Variants in VPS45 observed in about 807,000 individuals in gnomAD.
The protein encoded by VPS45 is vacuolar protein sorting 45 homolog, also known as vacuolar protein sorting-associated protein 45.
Under a neutral mutation model 75.9 loss-of-function variants are expected in VPS45, and 35 were observed. The ratio of observed to expected loss-of-function variants is 0.46; its 90% CI spans 0.35 to 0.61. The LOEUF is 0.61. Among genes scored for constraint, VPS45 ranks in the 20% least tolerant of loss-of-function variants. The pLI is 0.00. For synonymous variants in VPS45, 220 were observed against 238.2 expected (o/e 0.92, Z 0.70); for missense variants, 559 against 685.9 (o/e 0.81, Z 2.07).
chr1:150,135,740 C>G (rs1325056566), intron 14 of VPS45, among the ~76,000 whole-genome samples: 1 of 151,876 alleles, frequency 6.6e-6, no homozygotes, highest in Non-Finnish European at 1.5e-5. Context: ...CTCCTAGGTT[C>G]AAGCAATTCT....
chr1:150,086,168 A>T lies in VPS45; in HGVS notation c.1104+3285A>T, dbSNP rs978126255. Among the ~76,000 whole-genome samples the T allele has an allele frequency of 3.3e-5, 5 of 152,146 alleles. No individual in the cohort carries two copies. The East Asian group carries it at 7.7e-4, about 23-fold the overall frequency. The stretch of plus-strand genomic sequence containing the variant: ...GGAAGAGCTCTATTTGAAGCAGTAT[A>T]GAGTAGTGGCTAAGAGCTTGGGCCT... On this transcript the variant is annotated intron_variant, in intron 10 of 14. Transcript: ENST00000644510.
intron 14 of VPS45, among the ~76,000 whole-genome samples, chr1:150,137,097 A>G (rs1291700144): frequency 6.6e-6 from 1 of 152,046 alleles, no homozygotes; most frequent in Non-Finnish European, 1.5e-5. Context: ...ACGGGGATTC[A>G]CCATGTTTCC....
chr1:150,092,832 C>A (rs1461328282), intron 12 of VPS45, among the ~76,000 whole-genome samples: 2 of 106,134 alleles, frequency 1.9e-5, no homozygotes, highest in Admixed American at 2.5e-4. Context: ...AATCTGCTAG[C>A]CTTTCTTTTT....
chr1:150,069,622 A>AT (rs1421096004), intron 2 of VPS45, among the ~76,000 whole-genome samples: 1,192 of 3,210 alleles, frequency 0.37, 10 homozygotes, highest in African/African-American at 0.47. Flanking sequence ...ACGCCCGGCT[A>AT]ATTTTTTGTA....
chr1:150,122,758 G>A (rs1658302527), intron 14 of VPS45, among the ~76,000 whole-genome samples: 1 of 151,918 alleles, frequency 6.6e-6, no homozygotes, highest in Non-Finnish European at 1.5e-5. Context: ...CAGCACTTTG[G>A]GAGGCTGAGG....
intron 14 of VPS45, among the ~76,000 whole-genome samples, chr1:150,113,157 A>T (rs1553807545): frequency 6.6e-6 from 1 of 152,076 alleles, no homozygotes; most frequent in Non-Finnish European, 1.5e-5. Flanking sequence ...GTTTCTTATT[A>T]AGGCTTGGCC....
At chr1:150,087,890 A>G (rs923938576) in intron 10 of VPS45, among the ~76,000 whole-genome samples, 3 of 152,200 alleles carry the variant, frequency 2.0e-5, no homozygotes, top group African/African-American at 7.2e-5. Context: ...AAGCCAGGCA[A>G]TCTAAATACC....
chr1:150,104,187 C>G (rs1187050153), intron 13 of VPS45, among the ~76,000 whole-genome samples: 1 of 152,174 alleles, frequency 6.6e-6, no homozygotes, highest in African/African-American at 2.4e-5. Context: ...TTCTTCCCCT[C>G]TTTTGGAGTC....
intron 14 of VPS45, among the ~76,000 whole-genome samples, chr1:150,125,688 T>A (rs1658479415): frequency 6.1e-3 from 1 of 164 alleles, no homozygotes; most frequent in Non-Finnish European, 0.018. Flanking sequence ...TTATTTTTTT[T>A]ATATTTTTTA....
intron 14 of VPS45, among the ~76,000 whole-genome samples, chr1:150,128,981 T>C (rs906852414): frequency 2.2e-4 from 23 of 106,422 alleles, no homozygotes; most frequent in African/African-American, 1.4e-3. Flanking sequence ...GATCTCGTGA[T>C]CTGAGTGCTG....
chr1:150,073,474 G>T (rs1655191161), intron 3 of VPS45, among the ~76,000 whole-genome samples: 1 of 152,038 alleles, frequency 6.6e-6, no homozygotes, highest in African/African-American at 2.4e-5. Flanking sequence ...AGCTTGTCCA[G>T]TGGGTTTTCA....
chr1:150,113,215 G>A (rs1471104395), intron 14 of VPS45, among the ~76,000 whole-genome samples: 1 of 151,984 alleles, frequency 6.6e-6, no homozygotes, highest in Non-Finnish European at 1.5e-5. Flanking sequence ...GGCCCACCAA[G>A]AGTCATCTCA....
intron 14 of VPS45, among the ~76,000 whole-genome samples, chr1:150,113,860 A>C (rs1157533769): frequency 3.3e-5 from 5 of 152,152 alleles, no homozygotes; most frequent in African/African-American, 1.2e-4. Context: ...ATGCCACTGC[A>C]TTCCAGCCTG....
intron 13 of VPS45, among the ~76,000 whole-genome samples, chr1:150,096,696 T>C (rs930383085): frequency 2.0e-5 from 3 of 152,064 alleles, no homozygotes; most frequent in Non-Finnish European, 2.9e-5. Flanking sequence ...GCTTCTAAGA[T>C]AGTGGAAATT....
intron 4 of VPS45, chr1:150,076,706 T>G (rs587628705): frequency 1.9e-4 from 117 of 602,832 alleles, no homozygotes; most frequent in Non-Finnish European, 3.0e-4. Context: ...CCTTTATTTG[T>G]TAGATTTATT....
At chr1:150,113,288 C>T (rs181746255) in intron 14 of VPS45, among the ~76,000 whole-genome samples, 50 of 152,246 alleles carry the variant, frequency 3.3e-4, no homozygotes, top group African/African-American at 1.1e-3. Context: ...ATTAGGAGCT[C>T]TGTGCCAAGA....
At position 150,144,987 on chromosome 1, in the gene VPS45, C is replaced by A; in HGVS notation, c.*191C>A. The A allele has an allele frequency of 1.4e-6, 2 of 1,435,126 alleles. No individual in the cohort carries two copies. The highest frequency in any genetic ancestry group is 2.2e-5 in the Admixed American group (1 of 46,126). The allele number at this position is 1,435,126 out of a possible 1,614,324, so 88.9% of individuals were successfully genotyped here. On this transcript the variant is annotated 3_prime_UTR_variant, in exon 15 of 15. Transcript: ENST00000644510. ...GTTGTCCTAACAATAAGTCTGAGCC[C>A]ATCTCAACCCACTTTTCTCCGGTAG...
chr1:150,073,491 G>A (rs587693172), intron 3 of VPS45, among the ~76,000 whole-genome samples: 15 of 152,094 alleles, frequency 9.9e-5, no homozygotes, highest in South Asian at 2.1e-4. Context: ...TTCAGTGCAC[G>A]ACGCCCCAAG....
rs782200995 is a variant in VPS45 at position 150,093,602 on chromosome 1, A to G, written c.1447A>G (p.Lys483Glu). Reference sequence around the variant, plus strand: ...GGATCATCTCATCAAAGGAAGGCTTAAGGAAAACCTATATCCTTATTTAGG... The same window carrying G: ...GGATCATCTCATCAAAGGAAGGCTTGAGGAAAACCTATATCCTTATTTAGG... ...TLDHLIKGRL[K>E]ENLYPYLGPS... The change falls in exon 13 of 15, where the codon AAG becomes GAG. Residue 483 changes from lysine to glutamate, a missense_variant. Transcript: ENST00000644510. 4 of 1,613,998 alleles carry G rather than the reference A, an allele frequency of 2.5e-6. No individual in the cohort carries two copies. The highest frequency in any genetic ancestry group is 3.4e-6 in the Non-Finnish European group (4 of 1,179,930).
Sources: allele counts gnomAD v4.1 joint callset (sites outside exome capture counted in the v4.1 genomes callset), GRCh38; gene constraint gnomAD v4.1.1; transcripts MANE v1.5; gene names NCBI Gene and HGNC (gene_info 2026-07-23, HGNC 2026-07-21).